The following NTRK3 variants were observed in gnomAD, a reference collection of about 807,000 sequenced individuals.
The protein encoded by NTRK3 is NT-3 growth factor receptor.
In NTRK3, 24 loss-of-function variants were observed where a neutral mutation model predicts 91.7. That is an observed-to-expected ratio of 0.26 (90% confidence interval 0.19 to 0.37). NTRK3 has a LOEUF of 0.37. Among genes scored for constraint, NTRK3 ranks in the 10% least tolerant of loss-of-function variants. NTRK3 has a pLI of 1.00. For synonymous variants in NTRK3, 483 were observed against 404.0 expected (o/e 1.20, Z -2.34); for missense variants, 880 against 1,068.9 (o/e 0.82, Z 2.46).
At chr15:88,062,930 C>T (rs1162404823) in intron 13 of NTRK3, among the ~76,000 whole-genome samples, 1 of 152,240 alleles carries the variant, frequency 6.6e-6, no homozygotes, top group Non-Finnish European at 1.5e-5. Flanking sequence ...GGCATTTGAA[C>T]TTCTGATTAT....
At chr15:88,019,813 C>G (rs143227069) in intron 14 of NTRK3, among the ~76,000 whole-genome samples, 3 of 152,314 alleles carry the variant, frequency 2.0e-5, no homozygotes, top group East Asian at 3.9e-4. Context: ...CCTTCCCTAG[C>G]TGTTTAGCTG....
intron 7 of NTRK3, among the ~76,000 whole-genome samples, 192 bp downstream of exon 7, chr15:88,137,212 G>A (rs181270127): frequency 1.4e-4 from 22 of 152,204 alleles, no homozygotes; most frequent in African/African-American, 4.3e-4. Context: ...CCTATGGCTC[G>A]TGCACAAAGG....
intron 13 of NTRK3, among the ~76,000 whole-genome samples, chr15:88,115,161 C>T (rs2051897790): frequency 6.6e-6 from 1 of 152,212 alleles, no homozygotes; most frequent in African/African-American, 2.4e-5. Flanking sequence ...CACTGGGCAA[C>T]AGCAAACAGT....
intron 3 of NTRK3, among the ~76,000 whole-genome samples, chr15:88,230,697 G>A (rs780799279): frequency 4.4e-4 from 67 of 152,170 alleles, no homozygotes; most frequent in Non-Finnish European, 6.0e-4. Flanking sequence ...TACAGACCTG[G>A]TGAGAAGAGT....
At chr15:88,144,732 T>C (rs1407150082) in intron 6 of NTRK3, among the ~76,000 whole-genome samples, 4 of 152,152 alleles carry the variant, frequency 2.6e-5, no homozygotes, top group African/African-American at 9.7e-5. Context: ...CCCTGTAGGA[T>C]TGTTCCAAGG....
intron 17 of NTRK3, among the ~76,000 whole-genome samples, chr15:87,887,326 A>C (rs1433964495): frequency 6.6e-6 from 1 of 152,208 alleles, no homozygotes; most frequent in Non-Finnish European, 1.5e-5. Context: ...AGCCTGTGAT[A>C]CAACAAAGAG....
chr15:88,171,497 G>A (rs1046168861), intron 5 of NTRK3, among the ~76,000 whole-genome samples: 4 of 152,242 alleles, frequency 2.6e-5, no homozygotes, highest in Admixed American at 2.6e-4. Flanking sequence ...CAAACCCAGG[G>A]GCTTCGAGCT....
At chr15:88,056,942 G>C (rs937802398) in intron 13 of NTRK3, among the ~76,000 whole-genome samples, 6 of 152,052 alleles carry the variant, frequency 3.9e-5, no homozygotes, top group African/African-American at 1.4e-4. Context: ...AGGCCGAGAC[G>C]GGCGGATCAC....
chr15:87,880,134 G>A (rs752318483), intron 18 of NTRK3, 136 bp downstream of exon 19: 21 of 1,075,830 alleles, frequency 2.0e-5, no homozygotes, highest in Non-Finnish European at 2.7e-5. Flanking sequence ...GAAGCTCTCT[G>A]CTCCCACTAA....
At chr15:87,991,003 A>G (rs1226327735) in intron 14 of NTRK3, among the ~76,000 whole-genome samples, 1 of 152,148 alleles carries the variant, frequency 6.6e-6, no homozygotes, top group African/African-American at 2.4e-5. Context: ...CTTTTACAAA[A>G]CTGACCTCTT....
chr15:88,196,161 G>A (rs547017471), intron 3 of NTRK3, among the ~76,000 whole-genome samples: 46 of 152,278 alleles, frequency 3.0e-4, no homozygotes, highest in African/African-American at 1.0e-3. Context: ...CAGAAAAGTC[G>A]CTCCAAAGCT....
intron 13 of NTRK3, among the ~76,000 whole-genome samples, chr15:88,079,893 A>G (rs56332523): frequency 6.6e-6 from 1 of 151,994 alleles, no homozygotes; most frequent in Non-Finnish European, 1.5e-5. Flanking sequence ...TGGCTGGCAT[A>G]TATCTTTCCA....
intron 17 of NTRK3, among the ~76,000 whole-genome samples, chr15:87,893,571 A>T (rs1005273695): frequency 6.6e-6 from 1 of 152,196 alleles, no homozygotes; most frequent in Non-Finnish European, 1.5e-5. Context: ...AGTGACTGCA[A>T]CTTTTCTTCA....
At chr15:88,021,723 GT>G (rs2077608015) in intron 14 of NTRK3, among the ~76,000 whole-genome samples, 1 of 152,164 alleles carries the variant, frequency 6.6e-6, no homozygotes. Context: ...TAGAGCTTTG[GT>G]TTTTAGTTAT....
chr15:88,002,143 T>G (rs1197701628), intron 14 of NTRK3, among the ~76,000 whole-genome samples: 1 of 151,144 alleles, frequency 6.6e-6, no homozygotes. Context: ...GTAAAGGGAT[T>G]TTCTCTCTCT....
At chr15:88,256,520 A>C in intron 1 of NTRK3, 34 bp from the exon 2 acceptor site, 1 of 272,338 alleles carries the variant, frequency 3.7e-6, no homozygotes, top group South Asian at 7.3e-5. Context: ...TGGGGAGGCA[A>C]AAAAAAAAAA....
chr15:88,091,928 C>T (rs1053555598), intron 13 of NTRK3, among the ~76,000 whole-genome samples: 5 of 152,206 alleles, frequency 3.3e-5, no homozygotes, highest in Non-Finnish European at 7.4e-5. Context: ...GCAAAACCAC[C>T]ATGAATCTGC....
intron 5 of NTRK3, among the ~76,000 whole-genome samples, chr15:88,171,447 G>A (rs1256178975): frequency 2.0e-5 from 3 of 152,096 alleles, no homozygotes; most frequent in Non-Finnish European, 1.5e-5. Context: ...TTTAGCTTCT[G>A]CTCTCCCCAC....
chr15:88,114,084 T>C (rs546303357), intron 13 of NTRK3, among the ~76,000 whole-genome samples: 4 of 152,238 alleles, frequency 2.6e-5, no homozygotes, highest in African/African-American at 7.2e-5. Context: ...GGCAACATTA[T>C]GGGAATCCTG....
Sources: gnomAD v4.1 joint callset for allele counts (sites outside exome capture counted in the v4.1 genomes callset) on GRCh38, gnomAD v4.1.1 for gene constraint, MANE v1.5 for transcripts, NCBI Gene and HGNC (gene_info 2026-07-23, HGNC 2026-07-21) for gene names.